The following PCNX2 variants were observed in gnomAD, a reference collection of about 807,000 sequenced individuals.
PCNX2 encodes the protein pecanex 2.
Under a neutral mutation model 223.8 loss-of-function variants are expected in PCNX2, and 168 were observed. The ratio of observed to expected loss-of-function variants is 0.75; its 90% CI spans 0.66 to 0.85. PCNX2 has a LOEUF of 0.85. PCNX2 is among the 40% of genes least tolerant of loss of function. The pLI is 0.00. For synonymous variants in PCNX2, 1,006 were observed against 1,052.6 expected (o/e 0.96, Z 0.86); for missense variants, 2,507 against 2,675.5 (o/e 0.94, Z 1.39).
At chr1:233,235,151 G>A (rs954516158) in intron 9 of PCNX2, among the ~76,000 whole-genome samples, 1 of 152,110 alleles carries the variant, frequency 6.6e-6, no homozygotes, top group Non-Finnish European at 1.5e-5. Flanking sequence ...AGAGGCCCTG[G>A]AAAGGAGGAG....
chr1:233,228,624 A>G (rs1430900875), intron 9 of PCNX2, among the ~76,000 whole-genome samples: 1 of 152,152 alleles, frequency 6.6e-6, no homozygotes, highest in Admixed American at 6.5e-5. Context: ...TCCATGTTGT[A>G]GCATGTGTCA....
intron 1 of PCNX2, among the ~76,000 whole-genome samples, chr1:233,275,344 A>G (rs1005249882): frequency 6.6e-6 from 1 of 152,046 alleles, no homozygotes; most frequent in African/African-American, 2.4e-5. Context: ...CTGGGATTAC[A>G]GGTGCATGCC....
chr1:233,288,209 G>A (rs1661554697), intron 1 of PCNX2, among the ~76,000 whole-genome samples: 2 of 152,146 alleles, frequency 1.3e-5, no homozygotes, highest in Non-Finnish European at 2.9e-5. Context: ...GTAAGTATTA[G>A]CTTCTACACA....
chr1:233,288,242 T>A (rs182293486), intron 1 of PCNX2, among the ~76,000 whole-genome samples: 61 of 152,312 alleles, frequency 4.0e-4, no homozygotes, highest in Admixed American at 1.1e-3. Flanking sequence ...CCAAGTGAAT[T>A]AGATTGTTCA....
intron 23 of PCNX2, among the ~76,000 whole-genome samples, chr1:233,059,609 A>G (rs1256103726): frequency 6.6e-6 from 1 of 152,210 alleles, no homozygotes. Flanking sequence ...TCAGTCCCTA[A>G]GTACCATGAG....
At chr1:233,086,654 G>C (rs1558217339) in intron 23 of PCNX2, among the ~76,000 whole-genome samples, 1 of 151,952 alleles carries the variant, frequency 6.6e-6, no homozygotes, top group Non-Finnish European at 1.5e-5. Flanking sequence ...CTGGGCAATA[G>C]AGCAAGACTC....
At chr1:233,093,854 G>A (rs781745244) in intron 22 of PCNX2, among the ~76,000 whole-genome samples, 1 of 152,164 alleles carries the variant, frequency 6.6e-6, no homozygotes, top group South Asian at 2.1e-4. Context: ...TCTGCATCTC[G>A]AATGTTTCCA....
intron 21 of PCNX2, among the ~76,000 whole-genome samples, chr1:233,110,676 G>GT (rs1675063455): frequency 6.6e-6 from 1 of 151,966 alleles, no homozygotes; most frequent in South Asian, 2.1e-4. Context: ...AGCAAGAATA[G>GT]TAAACAACGG....
intron 15 of PCNX2, among the ~76,000 whole-genome samples, chr1:233,184,451 G>A (rs1016707394): frequency 2.6e-5 from 4 of 152,018 alleles, no homozygotes; most frequent in African/African-American, 9.7e-5. Flanking sequence ...TGGAAAAGAA[G>A]GGGTACCCAT....
intron 24 of PCNX2, among the ~76,000 whole-genome samples, chr1:233,055,095 T>G (rs762635532): frequency 3.6e-4 from 55 of 152,210 alleles, no homozygotes; most frequent in Middle Eastern, 3.2e-3. Context: ...TTGTTTCCAG[T>G]TTTGGTGATT....
chr1:233,195,044 C>T lies in PCNX2; in HGVS notation c.3066+3895G>A, dbSNP rs551502753. Among the ~76,000 whole-genome samples the T allele has an allele frequency of 1.8e-4, 27 of 148,896 alleles. 1 individual carries two copies. Among genetic ancestry groups the T allele is most frequent in the African/African-American group, 5.9e-4 (24 of 40,434 alleles). ...AAAAAAAAAAAAAAAAATTAGAGAA[C>T]TAGAAACTTCATAGACATCAAATTT... is the stretch of plus-strand genomic sequence containing the variant. On this transcript the variant is annotated intron_variant, in intron 15 of 33. Transcript: ENST00000258229.
intron 8 of PCNX2, among the ~76,000 whole-genome samples, chr1:233,242,404 A>G (rs1051294463): frequency 2.0e-5 from 3 of 152,214 alleles, no homozygotes; most frequent in Non-Finnish European, 4.4e-5. Context: ...GTAGACTACC[A>G]TGCCTATTTT....
intron 1 of PCNX2, among the ~76,000 whole-genome samples, chr1:233,282,589 T>TA (rs1259549691): frequency 6.6e-6 from 1 of 152,164 alleles, no homozygotes; most frequent in Non-Finnish European, 1.5e-5. Context: ...CCCCCATCCT[T>TA]ACGCCTCTAC....
chr1:233,269,652 A>G (rs1660526384), intron 1 of PCNX2, among the ~76,000 whole-genome samples: 1 of 152,216 alleles, frequency 6.6e-6, no homozygotes. Flanking sequence ...TCCTGCTTAA[A>G]GGTTAAGTTT....
At chr1:232,997,773 C>T (rs1477954424) in intron 32 of PCNX2, among the ~76,000 whole-genome samples, 1 of 152,170 alleles carries the variant, frequency 6.6e-6, no homozygotes, top group African/African-American at 2.4e-5. Context: ...ACCCTTTCTG[C>T]CCTCTTTTCT....
At chr1:233,181,457 C>T (rs1679797746) in intron 15 of PCNX2, among the ~76,000 whole-genome samples, 2 of 152,114 alleles carry the variant, frequency 1.3e-5, no homozygotes, top group African/African-American at 4.8e-5. Flanking sequence ...CTCGGCCTCG[C>T]AAAGTGCTGG....
chr1:233,117,475 C>G (rs1334105237), intron 21 of PCNX2, among the ~76,000 whole-genome samples: 1 of 150,712 alleles, frequency 6.6e-6, no homozygotes, highest in Non-Finnish European at 1.5e-5. Context: ...ACTAAAAATA[C>G]AAAAAATTAG....
At chr1:233,031,784 T>TA in intron 25 of PCNX2, 1 of 977,358 alleles carries the variant, frequency 1.0e-6, no homozygotes, top group African/African-American at 1.9e-5. Flanking sequence ...CTGAAAGCAT[T>TA]CTTTTTTTTT....
chr1:233,058,194 G>A (rs932483713), intron 23 of PCNX2: 5 of 326,890 alleles, frequency 1.5e-5, no homozygotes, highest in African/African-American at 6.8e-5. Flanking sequence ...AGAGTTAGCC[G>A]ACTCACTGCA....
Sources: allele counts gnomAD v4.1 joint callset (sites outside exome capture counted in the v4.1 genomes callset), GRCh38; gene constraint gnomAD v4.1.1; transcripts MANE v1.5; gene names NCBI Gene and HGNC (gene_info 2026-07-23, HGNC 2026-07-21).